ANO7: variants seen among roughly 807,000 people sequenced by gnomAD.
ANO7 encodes the protein anoctamin 7, also known as anoctamin-7.
A neutral mutation model predicts 115.8 loss-of-function variants in ANO7; 114 were observed. That is an observed-to-expected ratio of 0.98 (90% CI 0.85 to 1.15). The LOEUF is 1.15. Among genes scored for constraint, ANO7 ranks in the 50% most tolerant of loss-of-function variants. The pLI is 0.00. For missense variants in ANO7, 1,302 were observed against 1,201.2 expected (o/e 1.08, Z -1.24); for synonymous variants, 550 against 498.2 (o/e 1.10, Z -1.38).
At chr2:241,208,090 C>G (rs949933590) in intron 11 of ANO7, among the ~76,000 whole-genome samples, 5 of 152,202 alleles carry the variant, frequency 3.3e-5, no homozygotes, top group African/African-American at 1.2e-4. Flanking sequence ...CCCCCTCCCG[C>G]CTGGCATGCT....
At chr2:241,237,221 G>T in the ANO7 span, among the ~76,000 whole-genome samples, 1 of 152,198 alleles carries the variant, frequency 6.6e-6, no homozygotes, top group Non-Finnish European at 1.5e-5. Context: ...GAGGCAGTGG[G>T]AAGGGGGGTG....
chr2:241,233,960 A>T, the ANO7 span: 1 of 1,614,128 alleles, frequency 6.2e-7, no homozygotes. This position sits in a 1 kb window ranked among gnomAD's most constrained non-coding sequence, Gnocchi z 4.3. Context: ...AAACTCCTTA[A>T]AGCCTACAAA....
intron 3 of ANO7, among the ~76,000 whole-genome samples, chr2:241,191,898 G>A (rs1254560723): frequency 6.6e-6 from 1 of 152,260 alleles, no homozygotes; most frequent in Non-Finnish European, 1.5e-5. Flanking sequence ...ATTCAGCACA[G>A]AGTTCCCGTA....
the ANO7 span, chr2:241,236,521 G>T: frequency 2.3e-6 from 3 of 1,294,756 alleles, no homozygotes; most frequent in Non-Finnish European, 3.3e-6. Context: ...ACTGCCGCTT[G>T]GGCAACCGTC....
At chr2:241,215,364 C>G (rs2068807301) in intron 18 of ANO7, among the ~76,000 whole-genome samples, 1 of 152,222 alleles carries the variant, frequency 6.6e-6, no homozygotes, top group African/African-American at 2.4e-5. Flanking sequence ...CCACAAGGCT[C>G]CCATAGCCAG....
chr2:241,229,391 A>C (rs1170919945), downstream of ANO7: 1 of 512,492 alleles, frequency 2.0e-6, no homozygotes, highest in Admixed American at 3.3e-5. Context: ...GTTTAGTGTT[A>C]AACAGTGGAG....
In ANO7 at chr2:241,214,907, G is replaced by C; in HGVS notation, c.1826+5G>C. The C allele has an allele frequency of 6.2e-7, 1 of 1,611,410 alleles. No homozygotes were observed. The highest frequency in any genetic ancestry group is 8.5e-7 in the Non-Finnish European group (1 of 1,179,724). On this transcript the variant is annotated splice_donor_5th_base_variant and intron_variant, in intron 18 of 24. Coordinates refer to ENST00000674324, the MANE Select transcript of ANO7 (RefSeq NM_001370694.2). Reference sequence around the variant, plus strand: ...CATGCAGGAGGTCCTCATCCCGTGAGTCCCCCACTCCTCCCTGGGTGGCAT... The same window carrying C: ...CATGCAGGAGGTCCTCATCCCGTGACTCCCCCACTCCTCCCTGGGTGGCAT...
At chr2:241,235,266 A>C in the ANO7 span, 4 of 1,614,134 alleles carry the variant, frequency 2.5e-6, no homozygotes, top group Non-Finnish European at 3.4e-6. Flanking sequence ...CTACGTGAAG[A>C]GGGGGCTGAC....
chr2:241,210,796 C>A (rs564922345), intron 15 of ANO7, among the ~76,000 whole-genome samples: 1 of 149,482 alleles, frequency 6.7e-6, no homozygotes, highest in African/African-American at 2.6e-5. Context: ...CCTCCTGCCT[C>A]AGCCTCCTCA....
intron 7 of ANO7, 101 bp downstream of exon 7, chr2:241,201,456 C>A: frequency 7.5e-7 from 1 of 1,337,508 alleles, no homozygotes; most frequent in South Asian, 1.4e-5. Flanking sequence ...TGCTTGAGAC[C>A]AGAGGGCCGA....
chr2:241,229,400 A>C (rs530682380), downstream of ANO7: 15 of 530,836 alleles, frequency 2.8e-5, no homozygotes, highest in East Asian at 5.0e-4. Flanking sequence ...TAAACAGTGG[A>C]GCAGGTCCTG....
In ANO7 at chr2:241,224,562, G is replaced by A; in HGVS notation, c.*409G>A. 1 of 217,776 alleles carries A rather than the reference G, an allele frequency of 4.6e-6. No homozygotes were observed. Among genetic ancestry groups the A allele is most frequent in the Non-Finnish European group, 9.3e-6 (1 of 107,364 alleles). The allele number at this position is 217,776 out of a possible 1,614,324, so 13.5% of individuals were successfully genotyped here. On this transcript the variant is annotated 3_prime_UTR_variant, in exon 25 of 25. Transcript: ENST00000674324. The stretch of plus-strand genomic sequence containing the variant: ...CCTGGTGACCTTCGAATGTTTCAGA[G>A]CGCAGGGCCGTTCTCCCTCGTGTCC...
chr2:241,203,352 C>T lies in ANO7; in HGVS notation c.743C>T (p.Pro248Leu). ...CCCCAGGGCCCCTTCAAGACGCCCCCAGAGGGCCCGCAGGCTCCACGCCTC... is the reference window on the plus strand; with the variant it reads ...CCCCAGGGCCCCTTCAAGACGCCCCTAGAGGGCCCGCAGGCTCCACGCCTC... ...PLHDGPFKTPPEGPQAPRLNQ... is the reference protein window; with the variant it reads ...PLHDGPFKTPLEGPQAPRLNQ... The change falls in exon 9 of 25, where the codon CCA becomes CTA. Residue 248 changes from proline (P) to leucine (L), a missense_variant. Physicochemically the swap from Pro to Leu is moderately conservative, Grantham distance 98. Transcript: ENST00000674324. The surrounding 1 kb of genome is among the most constrained non-coding windows in gnomAD (Gnocchi z 4.8). 6.4e-7 allele frequency: 1 copy of T among 1,568,410 alleles called. No individual in the cohort carries two copies. Among genetic ancestry groups the T allele is most frequent in the Non-Finnish European group, 8.6e-7 (1 of 1,159,800 alleles).
At chr2:241,217,327 A>AT (rs2068854466) in intron 19 of ANO7, among the ~76,000 whole-genome samples, 1 of 152,246 alleles carries the variant, frequency 6.6e-6, no homozygotes, top group South Asian at 2.1e-4. Context: ...AGCCCCTTCC[A>AT]AAGAGCCCTC....
chr2:241,236,445 CTG>C, the ANO7 span: 1,091 of 678,942 alleles, frequency 1.6e-3, 18 homozygotes, highest in East Asian at 0.024. Flanking sequence ...TCCCCAAACT[CTG>C]TGTCCAGCCG....
intron 22 of ANO7, 146 bp from the exon 23 acceptor site, chr2:241,223,516 T>C: frequency 7.5e-7 from 1 of 1,326,232 alleles, no homozygotes; most frequent in Non-Finnish European, 1.0e-6. Context: ...GGGTGGCCTC[T>C]GCCCCTTCTG....
the ANO7 span, chr2:241,233,737 G>C: frequency 1.3e-6 from 2 of 1,516,614 alleles, no homozygotes; most frequent in Non-Finnish European, 1.8e-6. This position sits in a 1 kb window ranked among gnomAD's most constrained non-coding sequence, Gnocchi z 4.3. Context: ...CCCCCATCTA[G>C]GCACATCTGG....
At chr2:241,190,883 C>T (rs2068184064) in intron 2 of ANO7, among the ~76,000 whole-genome samples, 2 of 152,224 alleles carry the variant, frequency 1.3e-5, no homozygotes, top group Non-Finnish European at 2.9e-5. Flanking sequence ...CCATGCTTCC[C>T]GCCAACCTGA....
intron 22 of ANO7, 72 bp from the exon 23 acceptor site, chr2:241,223,590 C>T (rs2069078638): frequency 5.7e-6 from 9 of 1,573,652 alleles, no homozygotes; most frequent in Non-Finnish European, 8.6e-7. Flanking sequence ...GTGCCGGAGC[C>T]CCGGCCTGCC....
Sources: gnomAD v4.1 joint callset for allele counts (sites outside exome capture counted in the v4.1 genomes callset) on GRCh38, gnomAD v4.1.1 for gene constraint, Gnocchi (gnomAD v3.1) non-coding constraint, MANE v1.5 for transcripts, NCBI Gene and HGNC (gene_info 2026-07-23, HGNC 2026-07-21) for gene names.